MYO18A: variants seen among roughly 807,000 people sequenced by gnomAD.
The protein encoded by MYO18A is myosin XVIIIA, also known as unconventional myosin-XVIIIa.
A neutral mutation model predicts 235.8 loss-of-function variants in MYO18A; 78 were observed. That is an observed-to-expected ratio of 0.33 (90% CI 0.28 to 0.40). The LOEUF is 0.40. Among genes scored for constraint, MYO18A ranks in the 10% least tolerant of loss-of-function variants. The pLI is 1.00. For synonymous variants in MYO18A, 977 were observed against 1,077.8 expected, an observed-to-expected ratio of 0.91 and a Z score of 1.83; for missense variants, 2,215 against 2,699.3, an observed-to-expected ratio of 0.82 and a Z score of 3.98.
At chr17:29,078,332 T>C (rs962155953) in intron 41 of MYO18A, 2 of 152,262 alleles carry the variant, frequency 1.3e-5, no homozygotes, top group African/African-American at 4.8e-5. Context: ...TGTCTTACTA[T>C]GGAGCCAACA....
At position 29,164,425 on chromosome 17, in the gene MYO18A, C is replaced by T. The variant is rs547232395; in HGVS notation, c.999+1517G>A. The stretch of plus-strand genomic sequence containing the variant: ...GGTTAAAGGAAGGCCTGGAACCCAA[C>T]TACAGTGCTTCCTGACAGTCTGACC... On this transcript the variant is annotated intron_variant, in intron 2 of 41. Transcript: ENST00000527372. Among the ~76,000 whole-genome samples, 3 of 152,330 alleles carry T rather than the reference C, an allele frequency of 2.0e-5. No individual in the cohort carries two copies. The East Asian group carries it at 5.8e-4, about 29-fold the overall frequency.
At chr17:29,090,166 A>G in intron 36 of MYO18A, 68 bp from the exon 37 acceptor site, 1 of 1,529,998 alleles carries the variant, frequency 6.5e-7, no homozygotes, top group South Asian at 1.2e-5. Flanking sequence ...CGTCTGGGGC[A>G]GGCAATATCA....
intron 41 of MYO18A, chr17:29,079,813 G>A (rs546829531): frequency 1.1e-4 from 113 of 986,070 alleles, no homozygotes; most frequent in Non-Finnish European, 1.3e-4. Flanking sequence ...CTTCCTCGAC[G>A]GCCGGTGCGT....
In MYO18A at chr17:29,072,649, T is replaced by C. The variant is rs1459979607; in HGVS notation, c.*2121A>G. 2 of 152,206 alleles carry C rather than the reference T, an allele frequency of 1.3e-5. No homozygotes were observed. The highest frequency in any genetic ancestry group is 3.8e-4 in the East Asian group (2 of 5,200). 9.4% of individuals were successfully genotyped at this position (152,206 alleles called of 1,614,324 possible). ...CACTTCACACTCTGTCCCATTCATT[T>C]TGGGGGAGACTTTTCTCCCTTCTTC... On this transcript the variant is annotated 3_prime_UTR_variant, in exon 42 of 42. Coordinates refer to ENST00000527372, the MANE Select transcript of MYO18A (RefSeq NM_078471.4).
At chr17:29,083,863 G>A (rs909771709) in intron 40 of MYO18A, among the ~76,000 whole-genome samples, 1 of 152,098 alleles carries the variant, frequency 6.6e-6, no homozygotes, top group Non-Finnish European at 1.5e-5. Context: ...TATCACCACC[G>A]TTCATAACCA....
rs2068298899 is a variant in MYO18A at position 29,166,906 on chromosome 17, T to A, written c.35A>T (p.Asp12Val). ...CTCCTTCTTCTCCTTCCGCCCGCCA[T>A]CTTTGTCCTTGTCTTTCTTCATTAG... The part of the protein sequence containing the change: ...FNLMKKDKDK[D>V]GGRKEKKEKK... The change falls in exon 2 of 42, where the codon GAT (aspartate) becomes GTT (valine). Residue 12 changes from aspartate to valine, a missense_variant. Coordinates refer to ENST00000527372, the MANE Select transcript of MYO18A (RefSeq NM_078471.4). The A allele has an allele frequency of 6.5e-7, 1 of 1,549,276 alleles. No homozygotes were observed. Among genetic ancestry groups the A allele is most frequent in the Non-Finnish European group, 8.7e-7 (1 of 1,145,382 alleles).
chr17:29,108,604 C>T (rs2066850279), intron 19 of MYO18A, among the ~76,000 whole-genome samples: 1 of 152,232 alleles, frequency 6.6e-6, no homozygotes, highest in South Asian at 2.1e-4. Context: ...CAAGGGCATG[C>T]TCCACAGCAA....
chr17:29,076,793 G>A (rs1245953196), intron 41 of MYO18A: 1 of 152,244 alleles, frequency 6.6e-6, no homozygotes, highest in Non-Finnish European at 1.5e-5. Flanking sequence ...GGCACTCAGG[G>A]CTAGGATCTG....
intron 13 of MYO18A, 113 bp downstream of exon 13, chr17:29,115,238 G>A: frequency 2.1e-6 from 3 of 1,436,512 alleles, no homozygotes; most frequent in Non-Finnish European, 1.9e-6. Flanking sequence ...TAGCCCATGG[G>A]ACAGGGAGCC....
chr17:29,074,208 C>T lies in MYO18A; in HGVS notation c.*562G>A, dbSNP rs755014817. On this transcript the variant is annotated 3_prime_UTR_variant, in exon 42 of 42. Transcript: ENST00000527372. This position sits in a 1 kb window ranked among gnomAD's most constrained non-coding sequence, Gnocchi z 4.4. ...GAAGATGGAGATGACATTCCCGAGT[C>T]GTTCTTGGGAGCCCCAGCTACCACT... 4 of 1,580,970 alleles carry T rather than the reference C, an allele frequency of 2.5e-6. No individual in the cohort carries two copies. Among genetic ancestry groups the T allele is most frequent in the Admixed American group, 1.7e-5 (1 of 57,972 alleles).
chr17:29,148,900 C>T (rs1378657818), intron 2 of MYO18A, among the ~76,000 whole-genome samples: 3 of 152,204 alleles, frequency 2.0e-5, no homozygotes, highest in African/African-American at 7.2e-5. Flanking sequence ...AGCCCCAGGC[C>T]CGGGGCGGCA....
intron 2 of MYO18A, among the ~76,000 whole-genome samples, chr17:29,148,829 C>T (rs2067904616): frequency 6.6e-6 from 1 of 152,150 alleles, no homozygotes; most frequent in Non-Finnish European, 1.5e-5. Context: ...CGGCGCATGC[C>T]CAGGGCCACC....
chr17:29,098,414 T>G lies in MYO18A; in HGVS notation c.3812A>C (p.Glu1271Ala), dbSNP rs1336128579. 3 of 1,613,954 alleles carry G rather than the reference T, an allele frequency of 1.9e-6. No individual in the cohort carries two copies. The highest frequency in any genetic ancestry group is 1.7e-6 in the Non-Finnish European group (2 of 1,179,884). ...CTCGTTCCTCTCCTTCTCCGCCTTC[T>G]CGAGCTTGCTCCGCAGCTGCTGGAT... ...EEIQQLRSKL[E>A]KAEKERNELR... The change falls in exon 24 of 42, where the codon GAG becomes GCG. Residue 1271 changes from glutamate (E) to alanine (A), a missense_variant. Transcript: ENST00000527372.
chr17:29,136,138 A>C (rs1211627994), intron 2 of MYO18A, among the ~76,000 whole-genome samples: 1 of 151,308 alleles, frequency 6.6e-6, no homozygotes, highest in Non-Finnish European at 1.5e-5. Context: ...CTGAGGTGGG[A>C]GGATCGCTTG....
chr17:29,116,613 G>GCGCACACACACACACACA lies in MYO18A; in HGVS notation c.2039-159_2039-158insTGTGTGTGTGTGTGTGCG, dbSNP rs1555532996. Among the ~76,000 whole-genome samples, 39 of 144,928 alleles carry GCGCACACACACACACACA rather than the reference G, an allele frequency of 2.7e-4. No individual in the cohort carries two copies. In the East Asian group the frequency reaches 3.6e-3, roughly 13 times the overall value. On this transcript the variant is annotated intron_variant, in intron 10 of 41. Coordinates refer to ENST00000527372, the MANE Select transcript of MYO18A (RefSeq NM_078471.4). ...AACCACAGTCAGACTTGGGACAAAC[G>GCGCACACACACACACACA]CACACACACACAGTCTCCAGGGAGT...
At position 29,106,013 on chromosome 17, in the gene MYO18A, G is replaced by A. The variant is rs1182653598; in HGVS notation, c.3441+1067C>T. The stretch of plus-strand genomic sequence containing the variant: ...CTGCAGAGTGAACCATGGAAAAGGA[G>A]ACAATTCACAGAGAAATGGAGTGTG... On this transcript the variant is annotated intron_variant, in intron 20 of 41. Transcript: ENST00000527372. The surrounding 1 kb of genome is among the most constrained non-coding windows in gnomAD (Gnocchi z 4.6). Among the ~76,000 whole-genome samples, 3 of 152,182 alleles carry A rather than the reference G, an allele frequency of 2.0e-5. No individual in the cohort carries two copies. The East Asian group carries it at 5.8e-4, about 29-fold the overall frequency.
In MYO18A at chr17:29,089,898, G is replaced by A. The variant is rs573600410; in HGVS notation, c.5526+63C>T. On this transcript the variant is annotated intron_variant, in intron 37 of 41. Transcript: ENST00000527372. ...GCCTGTCCAGCCCTGCTGAGCATGC[G>A]CGGCTCCAGCGCTGGGGCAGCTCTG... The A allele has an allele frequency of 2.9e-5, 47 of 1,601,152 alleles. No homozygotes were observed. In the South Asian group the frequency reaches 3.3e-4, roughly 11 times the overall value.
chr17:29,172,566 T>C (rs1864757230), intron 1 of MYO18A, among the ~76,000 whole-genome samples: 1 of 152,066 alleles, frequency 6.6e-6, no homozygotes, highest in African/African-American at 2.4e-5. Flanking sequence ...TCCCCATCTA[T>C]AAAAATGGAG....
intron 36 of MYO18A, 190 bp from the exon 37 acceptor site, chr17:29,090,288 C>T (rs1598283039): frequency 9.9e-6 from 7 of 708,790 alleles, no homozygotes; most frequent in Middle Eastern, 3.9e-4. Context: ...CAGAGATTGC[C>T]CTTCAGAGAG....
Sources: gnomAD v4.1 joint callset for allele counts (sites outside exome capture counted in the v4.1 genomes callset) on GRCh38, gnomAD v4.1.1 for gene constraint, Gnocchi (gnomAD v3.1) non-coding constraint, MANE v1.5 for transcripts, NCBI Gene and HGNC (gene_info 2026-07-23, HGNC 2026-07-21) for gene names.